Variants in NIBAN3 observed in about 807,000 individuals in gnomAD.
NIBAN3 encodes niban apoptosis regulator 3.
In NIBAN3, 66 loss-of-function variants were observed where a neutral mutation model predicts 76.4. That is an observed-to-expected ratio of 0.86 (90% CI 0.71 to 1.06). The LOEUF (loss-of-function observed/expected upper bound fraction) is 1.06. Ranked by LOEUF, NIBAN3 falls within the 50% of genes least tolerant of loss-of-function variation. The probability of loss-of-function intolerance (pLI) is 0.00; values close to 1 mark genes in which losing one functional copy is unlikely to be tolerated. For synonymous variants in NIBAN3, 360 were observed against 355.2 expected (o/e 1.01, Z -0.15); for missense variants, 808 against 810.7 (o/e 1.00, Z 0.04).
At chr19:17,523,401 C>G (rs1346072054), upstream of NIBAN3, 1 of 1,539,960 alleles carries the variant, frequency 6.5e-7, no homozygotes, top group East Asian at 2.5e-5. Context: ...AACGTCTTGT[C>G]CCGGCAGGCC....
At chr19:17,547,601 C>A (rs138749553) in intron 13 of NIBAN3, among the ~76,000 whole-genome samples, 52 of 151,280 alleles carry the variant, frequency 3.4e-4, no homozygotes, top group Admixed American at 2.7e-3. Flanking sequence ...GATCCTCCCC[C>A]CTTGGGCTCC....
intron 9 of NIBAN3, among the ~76,000 whole-genome samples, chr19:17,541,575 C>T (rs1231056103): frequency 2.6e-5 from 4 of 152,160 alleles, no homozygotes; most frequent in Admixed American, 6.6e-5. Flanking sequence ...CTCAATTGTG[C>T]CAGCATCGCT....
chr19:17,540,333 A>T, intron 8 of NIBAN3, 59 bp from the exon 9 acceptor site: 1 of 1,307,510 alleles, frequency 7.6e-7, no homozygotes, highest in Non-Finnish European at 1.0e-6. Flanking sequence ...GCCCCTGCAC[A>T]TCCCCATCTG....
rs144132615 is a variant in NIBAN3 at position 17,543,587 on chromosome 19, T to C, written c.1510T>C (p.Phe504Leu). 10 of 1,614,152 alleles carry C rather than the reference T, an allele frequency of 6.2e-6. No homozygotes were observed. In the African/African-American group the frequency reaches 1.3e-4, roughly 22 times the overall value. ...RFIRGWGLCI[F>L]LPFVLSQLEP... ...CATCCGAGGCTGGGGTCTCTGCATC[T>C]TTTTACCTTTTGTGCTGAGCCAACT... The change falls in exon 12 of 15, where the codon TTT becomes CTT. Residue 504 changes from phenylalanine (F) to leucine (L), a missense_variant. Phe to Leu is a conservative substitution (Grantham distance 22). Transcript: ENST00000599164.
intron 12 of NIBAN3, chr19:17,545,164 TA>T (rs2076027509): frequency 3.8e-5 from 1 of 26,046 alleles, no homozygotes; most frequent in African/African-American, 1.4e-4. Flanking sequence ...CTATTTTATT[TA>T]TTTTATTTTA....
At chr19:17,548,728 C>T (rs1054766982) in intron 13 of NIBAN3, among the ~76,000 whole-genome samples, 1 of 152,204 alleles carries the variant, frequency 6.6e-6, no homozygotes, top group Admixed American at 6.5e-5. Flanking sequence ...GAGTTTGAGA[C>T]CAGCTTGGCC....
In NIBAN3 at chr19:17,546,874, T is replaced by A. The variant is rs1203811497; in HGVS notation, c.1666+77T>A. 6.6e-6 allele frequency: 10 copies of A among 1,510,094 alleles called. No individual in the cohort carries two copies. The Admixed American group carries it at 8.2e-5, about 12-fold the overall frequency. The allele number at this position is 1,510,094 out of a possible 1,614,324, so 93.5% of individuals were successfully genotyped here. A position where few individuals can be genotyped will look rare whatever the true frequency, so the allele number is the denominator to read the frequency against. On this transcript the variant is annotated intron_variant, in intron 13 of 14. Transcript: ENST00000599164. ...TGTACCGAGCCCCACCAGGGCCACA[T>A]CGACTCTCACTTCCTGTGAATACTT...
rs374469051 is a variant in NIBAN3, at chr19:17,539,115, G to C, written c.596-35G>C. ...GGGCCATCGGGAGCCAGGCAGGGGA[G>C]CTACCAGCAGGCACTGAGGAGCAGC... On this transcript the variant is annotated intron_variant, in intron 5 of 14. Transcript: ENST00000599164. 8 of 1,524,576 alleles carry C rather than the reference G, an allele frequency of 5.2e-6. No individual in the cohort carries two copies. The African/African-American group carries it at 1.1e-4, about 21-fold the overall frequency. The allele number at this position is 1,524,576 out of a possible 1,614,324, so 94.4% of individuals were successfully genotyped here. A position where few individuals can be genotyped will look rare whatever the true frequency, so the allele number is the denominator to read the frequency against.
At chr19:17,525,103 C>T (rs2075591731), upstream of NIBAN3, among the ~76,000 whole-genome samples, 1 of 152,154 alleles carries the variant, frequency 6.6e-6, no homozygotes, top group African/African-American at 2.4e-5. Context: ...GGGATCTTGC[C>T]ATCTGAGGGG....
chr19:17,545,955 C>T (rs898588988), intron 12 of NIBAN3: 43 of 440,780 alleles, frequency 9.8e-5, no homozygotes, highest in African/African-American at 6.8e-4. Context: ...GCTAAGTAGC[C>T]GGTGTTTTTC....
At position 17,543,614 on chromosome 19, in the gene NIBAN3, G is replaced by A. The variant is rs766742921; in HGVS notation, c.1537G>A (p.Glu513Lys). Residue 513 changes from glutamate to lysine, a missense_variant, in exon 12 of 15, where the codon GAG becomes AAG. Transcript: ENST00000599164. ...IFLPFVLSQL[E>K]PGCKKELPEF... ...TTTACCTTTTGTGCTGAGCCAACTCGAGCCAGGCTGCAAAAAGGTGAGTTA... is the reference window on the plus strand; with the variant it reads ...TTTACCTTTTGTGCTGAGCCAACTCAAGCCAGGCTGCAAAAAGGTGAGTTA... 4.3e-6 allele frequency: 7 copies of A among 1,613,292 alleles called. No individual in the cohort carries two copies. The South Asian group carries it at 4.4e-5, about 10-fold the overall frequency.
chr19:17,550,340 C>T (rs894005389), intron 14 of NIBAN3, among the ~76,000 whole-genome samples: 1 of 152,096 alleles, frequency 6.6e-6, no homozygotes, highest in South Asian at 2.1e-4. Flanking sequence ...TCAATATTTA[C>T]ACTAACTTGG....
intron 4 of NIBAN3, among the ~76,000 whole-genome samples, chr19:17,535,569 G>A (rs921938369): frequency 1.2e-4 from 19 of 152,138 alleles, no homozygotes; most frequent in Admixed American, 6.6e-5. Flanking sequence ...CCAACATGGC[G>A]AAACCCCACC....
chr19:17,527,444 T>A (rs1006518201), intron 1 of NIBAN3, 49 bp downstream of exon 1: 14 of 1,469,250 alleles, frequency 9.5e-6, no homozygotes, highest in Admixed American at 4.8e-5. Flanking sequence ...GGGTGGGGGC[T>A]CCAGCCATTG....
Position 17,539,611 on chromosome 19 carries a change from C to T in NIBAN3, c.825C>T (p.Asp275=). The T allele has an allele frequency of 6.4e-7, 1 of 1,553,704 alleles. No individual in the cohort carries two copies. Among genetic ancestry groups the T allele is most frequent in the Non-Finnish European group, 8.7e-7 (1 of 1,144,756 alleles). The part of the protein sequence containing the change: ...ARAWAWTELL[D]AVHAAVLAGA... Reference sequence around the variant, plus strand: ...TCGACCGGTCTGGGCAGCTTCTAGACGCCGTTCACGCAGCTGTCCTGGCCG... The same window carrying T: ...TCGACCGGTCTGGGCAGCTTCTAGATGCCGTTCACGCAGCTGTCCTGGCCG... Residue 275 remains aspartate (D), a synonymous_variant, in exon 8 of 15, where the codon GAC becomes GAT. Coordinates refer to ENST00000599164, the MANE Select transcript of NIBAN3 (RefSeq NM_001321827.2).
intron 4 of NIBAN3, 29 bp downstream of exon 4, chr19:17,533,730 G>T (rs765331085): frequency 6.6e-7 from 1 of 1,518,282 alleles, no homozygotes; most frequent in African/African-American, 1.4e-5. Context: ...CCAGGAACAG[G>T]TTTCTCCACC....
intron 12 of NIBAN3, chr19:17,545,928 A>C (rs890985082): frequency 1.2e-5 from 5 of 430,878 alleles, no homozygotes; most frequent in African/African-American, 8.1e-5. Flanking sequence ...AGAAAAGGAG[A>C]CTCCCTTTCC....
downstream of NIBAN3, among the ~76,000 whole-genome samples, chr19:17,554,711 C>T (rs1415751990): frequency 2.1e-5 from 3 of 144,150 alleles, no homozygotes; most frequent in Non-Finnish European, 4.5e-5. Flanking sequence ...ACCCGGGAGG[C>T]GGAGGTTGCA....
In NIBAN3 at chr19:17,539,719, G is replaced by A. The variant is rs963944716; in HGVS notation, c.933G>A (p.Val311=). Residue 311 remains valine (V), a synonymous_variant, in exon 8 of 15, where the codon GTG becomes GTA. Coordinates refer to ENST00000599164, the MANE Select transcript of NIBAN3 (RefSeq NM_001321827.2). ...TGGAGAAGACGATCCGCCCGGACGT[G>A]GACCAGCTGCTGCGGCAGCGGGCGC... ...ASLEKTIRPD[V]DQLLRQRARV... is the part of the protein sequence containing the mutation. 1.9e-6 allele frequency: 3 copies of A among 1,545,848 alleles called. No homozygotes were observed. The highest frequency in any genetic ancestry group is 1.7e-4 in the Middle Eastern group (1 of 5,952).
Sources: gnomAD v4.1 joint callset for allele counts (sites outside exome capture counted in the v4.1 genomes callset) on GRCh38, gnomAD v4.1.1 for gene constraint, MANE v1.5 for transcripts, NCBI Gene and HGNC (gene_info 2026-07-23, HGNC 2026-07-21) for gene names.